The following STAB2 variants were observed in gnomAD, a reference collection of about 807,000 sequenced individuals.
The protein encoded by STAB2 is stabilin-2.
A neutral mutation model predicts 338.1 loss-of-function variants in STAB2; 288 were observed. That is an observed-to-expected ratio of 0.85 (90% CI 0.77 to 0.94). The LOEUF (loss-of-function observed/expected upper bound fraction) is 0.94, where lower values mean the gene tolerates loss of function less well. Ranked by LOEUF, STAB2 falls within the 40% of genes least tolerant of loss-of-function variation. The pLI is 0.00. For missense variants in STAB2, 3,141 were observed against 3,210.1 expected (o/e 0.98, Z 0.52); for synonymous variants, 1,202 against 1,193.3 (o/e 1.01, Z -0.15).
chr12:103,751,892 T>C (rs1216075179), intron 60 of STAB2, among the ~76,000 whole-genome samples: 1 of 152,208 alleles, frequency 6.6e-6, no homozygotes, highest in Non-Finnish European at 1.5e-5. Flanking sequence ...CTGTTGGAGC[T>C]GTGTGGTTAC....
At chr12:103,638,951 G>C (rs895870108) in intron 8 of STAB2, among the ~76,000 whole-genome samples, 29 of 152,204 alleles carry the variant, frequency 1.9e-4, no homozygotes, top group African/African-American at 6.5e-4. Flanking sequence ...TAATCACCTG[G>C]ATGCTAGCTG....
At chr12:103,608,559 T>G (rs1201953809) in intron 3 of STAB2, among the ~76,000 whole-genome samples, 1 of 152,220 alleles carries the variant, frequency 6.6e-6, no homozygotes, top group Non-Finnish European at 1.5e-5. Context: ...TAAATTTGTT[T>G]GAGTTCTTTG....
At chr12:103,588,912 A>G (rs1956754722) in intron 1 of STAB2, among the ~76,000 whole-genome samples, 1 of 152,228 alleles carries the variant, frequency 6.6e-6, no homozygotes, top group South Asian at 2.1e-4. Flanking sequence ...GATGATCACC[A>G]AATGAAAACT....
At chr12:103,731,851 A>G (rs1268642821) in intron 50 of STAB2, among the ~76,000 whole-genome samples, 1 of 152,166 alleles carries the variant, frequency 6.6e-6, no homozygotes, top group African/African-American at 2.4e-5. Flanking sequence ...ACATTGGCTG[A>G]GTTAGAAATT....
chr12:103,746,501 A>G (rs1883041393), intron 57 of STAB2, 96 bp from the exon 58 acceptor site: 1 of 1,130,970 alleles, frequency 8.8e-7, no homozygotes, highest in African/African-American at 1.5e-5. Flanking sequence ...TTATGAACAC[A>G]GTGGTCGTCC....
At chr12:103,727,424 A>C in intron 47 of STAB2, 74 bp downstream of exon 47, 1 of 1,510,594 alleles carries the variant, frequency 6.6e-7, no homozygotes, top group Admixed American at 1.7e-5. Flanking sequence ...CCCTGGAACC[A>C]AGACTGGAGA....
intron 11 of STAB2, among the ~76,000 whole-genome samples, chr12:103,652,296 C>T (rs1254419482): frequency 6.6e-6 from 1 of 152,218 alleles, no homozygotes; most frequent in South Asian, 2.1e-4. Flanking sequence ...GCAACCTCCC[C>T]TGGTTTGAGA....
chr12:103,737,564 G>A, intron 52 of STAB2, 70 bp from the exon 53 acceptor site: 1 of 1,474,740 alleles, frequency 6.8e-7, no homozygotes, highest in South Asian at 1.3e-5. Flanking sequence ...GTGTGAAAGA[G>A]ATTGACTGTT....
Position 103,750,707 on chromosome 12 carries a change from C to T in STAB2, c.6567C>T (p.Asp2189=). 1 of 1,613,610 alleles carries T rather than the reference C, an allele frequency of 6.2e-7. No homozygotes were observed. The highest frequency in any genetic ancestry group is 8.5e-7 in the Non-Finnish European group (1 of 1,179,552). Residue 2189 remains aspartate, a synonymous_variant, in exon 60 of 69, where the codon GAC becomes GAT. Transcript: ENST00000388887. ...GCCATGCAGACGCCAAATGTGTCGA[C>T]CTCCACTTCCAGGGTTAGTGTGACC... ...GQCHADAKCV[D]LHFQDTTVGV...
intron 31 of STAB2, among the ~76,000 whole-genome samples, chr12:103,694,354 G>A (rs767262676): frequency 7.9e-5 from 12 of 151,974 alleles, no homozygotes; most frequent in African/African-American, 1.5e-4. Context: ...GCCAAATCCC[G>A]TCTAATCACC....
intron 51 of STAB2, among the ~76,000 whole-genome samples, chr12:103,734,278 T>C (rs368949452): frequency 6.7e-6 from 1 of 148,834 alleles, no homozygotes; most frequent in East Asian, 2.0e-4. Flanking sequence ...AGCAAGATCA[T>C]ATAGGAGCAA....
intron 33 of STAB2, among the ~76,000 whole-genome samples, chr12:103,697,336 A>T (rs757704973): frequency 2.6e-5 from 4 of 152,200 alleles, no homozygotes; most frequent in Admixed American, 6.5e-5. Context: ...CCTGGGATGG[A>T]ACTGGAAATC....
rs147023181 is a variant in STAB2 at position 103,728,497 on chromosome 12, G to A, written c.4936-352G>A. 1.3e-3 allele frequency among the ~76,000 whole-genome samples: 197 copies of A among 152,312 alleles called. 1 individual carries two copies. Among genetic ancestry groups the A allele is most frequent in the Middle Eastern group, 0.01 (3 of 294 alleles). On this transcript the variant is annotated intron_variant, in intron 47 of 68. Transcript: ENST00000388887. ...ATCTGGCACTGATACCTCTCCAAGA[G>A]GGCTATATACTATGCAGTGTTTCCC...
Position 103,704,555 on chromosome 12 carries a change from A to G in STAB2, c.3844-3A>G. On this transcript the variant is annotated splice_region_variant and splice_polypyrimidine_tract_variant and intron_variant, in intron 35 of 68. Coordinates refer to ENST00000388887, the MANE Select transcript of STAB2 (RefSeq NM_017564.10). ...ACATTGATTGCTTTTGTGTTTTACCAAGGGAAGATGTAGGACATGCTCCTC... is the reference window on the plus strand; with the variant it reads ...ACATTGATTGCTTTTGTGTTTTACCGAGGGAAGATGTAGGACATGCTCCTC... The G allele has an allele frequency of 6.2e-7, 1 of 1,613,076 alleles. No individual in the cohort carries two copies.
chr12:103,717,470 G>C (rs936118529), intron 43 of STAB2, among the ~76,000 whole-genome samples: 2 of 152,076 alleles, frequency 1.3e-5, no homozygotes, highest in African/African-American at 2.4e-5. Flanking sequence ...AAAGAAAAGA[G>C]GTGAATACCT....
At position 103,658,809 on chromosome 12, in the gene STAB2, G is replaced by A. The variant is rs746056306; in HGVS notation, c.1735-1522G>A. On this transcript the variant is annotated intron_variant, in intron 15 of 68. Transcript: ENST00000388887. ...CTTGCTGGGGACATGGTGATGGGTG[G>A]TTAGCAAACCAGACAGACCCAGCCC... Among the ~76,000 whole-genome samples, 88 of 152,284 alleles carry A rather than the reference G, an allele frequency of 5.8e-4. 1 individual carries two copies. The Middle Eastern group carries it at 0.021, about 36-fold the overall frequency.
chr12:103,618,778 T>C (rs1957250824), intron 3 of STAB2, among the ~76,000 whole-genome samples: 1 of 152,202 alleles, frequency 6.6e-6, no homozygotes, highest in Non-Finnish European at 1.5e-5. Context: ...CTGTGAGTTG[T>C]AAACAAATGC....
At chr12:103,718,652 C>A (rs1292398060) in intron 44 of STAB2, among the ~76,000 whole-genome samples, 1 of 152,194 alleles carries the variant, frequency 6.6e-6, no homozygotes, top group African/African-American at 2.4e-5. Context: ...AAACAGATTT[C>A]TTTCAACTTA....
rs1879966990 is a variant in STAB2 at position 103,712,583 on chromosome 12, A to T, written c.4411+140A>T. 3 of 687,818 alleles carry T rather than the reference A, an allele frequency of 4.4e-6. No homozygotes were observed. In the Admixed American group the frequency reaches 6.3e-5, roughly 14 times the overall value. 42.6% of individuals were successfully genotyped at this position (687,818 alleles called of 1,614,324 possible). A position where few individuals can be genotyped will look rare whatever the true frequency, so the allele number is the denominator to read the frequency against. On this transcript the variant is annotated intron_variant, in intron 41 of 68. Coordinates refer to ENST00000388887, the MANE Select transcript of STAB2 (RefSeq NM_017564.10). The stretch of plus-strand genomic sequence containing the variant: ...TGAATTGTATGTAATGGGGCAGTTG[A>T]TTGTGCCTGGGGACAGGAAACCAAC...
Sources: allele counts gnomAD v4.1 joint callset (sites outside exome capture counted in the v4.1 genomes callset), GRCh38; gene constraint gnomAD v4.1.1; transcripts MANE v1.5; gene names NCBI Gene and HGNC (gene_info 2026-07-23, HGNC 2026-07-21).